Variants in CREM observed in about 807,000 individuals in gnomAD.
CREM encodes the protein cAMP responsive element modulator.
A neutral mutation model predicts 37.3 loss-of-function variants in CREM; 13 were observed. The ratio of observed to expected loss-of-function variants is 0.35; its 90% CI spans 0.23 to 0.55. The LOEUF (loss-of-function observed/expected upper bound fraction) is 0.55, where lower values mean the gene tolerates loss of function less well. CREM is among the 20% of genes least tolerant of loss of function. The pLI, the probability that CREM is intolerant of heterozygous loss-of-function variation, is 0.88. For missense variants in CREM, 296 were observed against 362.3 expected (o/e 0.82, Z 1.49); for synonymous variants, 124 against 120.2 (o/e 1.03, Z -0.21).
intron 3 of CREM, chr10:35,175,870 A>G: frequency 8.9e-6 from 14 of 1,567,392 alleles, no homozygotes; most frequent in Non-Finnish European, 1.1e-5. Flanking sequence ...TGGCTGGATC[A>G]GGCACCAGAA....
chr10:35,162,747 C>G (rs2093358345), intron 3 of CREM, among the ~76,000 whole-genome samples: 4 of 152,108 alleles, frequency 2.6e-5, no homozygotes, highest in Admixed American at 2.6e-4. Flanking sequence ...GAAGCCTGGA[C>G]TTCTCAGAGG....
At chr10:35,193,042 C>A (rs2094985725) in intron 6 of CREM, among the ~76,000 whole-genome samples, 1 of 152,182 alleles carries the variant, frequency 6.6e-6, no homozygotes, top group African/African-American at 2.4e-5. Context: ...AATACGTTCC[C>A]CGAGGAAGCC....
intron 7 of CREM, among the ~76,000 whole-genome samples, chr10:35,208,343 C>T (rs1162771205): frequency 6.6e-6 from 1 of 152,030 alleles, no homozygotes; most frequent in Non-Finnish European, 1.5e-5. Context: ...TATTTTTAAG[C>T]AACATATTAT....
At chr10:35,132,886 TCTC>T (rs1180900396) in intron 1 of CREM, among the ~76,000 whole-genome samples, 3 of 152,228 alleles carry the variant, frequency 2.0e-5, no homozygotes. Flanking sequence ...AGCTTCATAT[TCTC>T]CTTTATCTTT....
intron 3 of CREM, among the ~76,000 whole-genome samples, chr10:35,169,425 G>C (rs1249577706): frequency 6.6e-6 from 1 of 152,170 alleles, no homozygotes; most frequent in African/African-American, 2.4e-5. Context: ...GAATGCTTGT[G>C]ATTTTTGCAC....
chr10:35,172,585 T>A (rs1359285756), intron 3 of CREM, among the ~76,000 whole-genome samples: 6 of 139,290 alleles, frequency 4.3e-5, no homozygotes, highest in Admixed American at 2.9e-4. Flanking sequence ...TTTTTTTTTT[T>A]AAGTCAGTTT....
rs144567038 is a variant in CREM at position 35,172,203 on chromosome 10, C to G, written c.169-6686C>G. 1.8e-4 allele frequency among the ~76,000 whole-genome samples: 27 copies of G among 152,174 alleles called. No individual in the cohort carries two copies. The East Asian group carries it at 5.2e-3, about 29-fold the overall frequency. ...CCAGTCTCTGACACATGGGCTCTGT[C>G]AGGGTTACTGGATATGTTTATTTTG... On this transcript the variant is annotated intron_variant, in intron 3 of 7. Coordinates refer to ENST00000685392, the MANE Select transcript of CREM (RefSeq NM_183011.2).
intron 5 of CREM, among the ~76,000 whole-genome samples, chr10:35,184,668 G>C (rs2094479690): frequency 6.6e-6 from 1 of 152,108 alleles, no homozygotes; most frequent in East Asian, 1.9e-4. Context: ...ATTATATAAT[G>C]ACTTCCCCAG....
intron 5 of CREM, among the ~76,000 whole-genome samples, chr10:35,184,206 A>G (rs2133376593): frequency 6.6e-6 from 1 of 152,354 alleles, no homozygotes; most frequent in South Asian, 2.1e-4. Flanking sequence ...AAGACCAGCT[A>G]GACCAATATC....
At chr10:35,179,032 G>C (rs1266507442) in intron 4 of CREM, 46 bp downstream of exon 4, 1 of 1,554,152 alleles carries the variant, frequency 6.4e-7, no homozygotes, top group Non-Finnish European at 8.8e-7. Context: ...TTTCCAAAAT[G>C]GTAGAATAAT....
chr10:35,137,616 G>GT (rs1045782679), intron 1 of CREM, among the ~76,000 whole-genome samples, 166 bp from the exon 2 acceptor site: 5 of 151,588 alleles, frequency 3.3e-5, no homozygotes, highest in Non-Finnish European at 5.9e-5. Flanking sequence ...TAGTCTTTTG[G>GT]TTTTTTTTGG....
At chr10:35,202,389 A>G (rs951356239) in intron 6 of CREM, among the ~76,000 whole-genome samples, 3 of 152,172 alleles carry the variant, frequency 2.0e-5, no homozygotes, top group East Asian at 3.8e-4. Context: ...AACTTGTGAC[A>G]TTTAGATTTT....
At chr10:35,136,183 T>C (rs772523021) in intron 1 of CREM, among the ~76,000 whole-genome samples, 10 of 148,938 alleles carry the variant, frequency 6.7e-5, no homozygotes, top group Admixed American at 3.4e-4. Context: ...ACCACAAGAA[T>C]GTATTACTTA....
rs775841250 is a variant in CREM at position 35,148,460 on chromosome 10, C to T, written c.137C>T (p.Thr46Ile). The change falls in exon 3 of 8, where the codon ACT becomes ATT. Residue 46 changes from threonine (T) to isoleucine (I), a missense_variant. This residue lies in a region of CREM where 257 missense variants were observed against 280.2 expected (regional missense o/e 0.92). Coordinates refer to ENST00000685392, the MANE Select transcript of CREM (RefSeq NM_183011.2). ...ESKSAHVQTQ[T>I]GQNSIPALAQ... Reference sequence around the variant, plus strand: ...AAGTCTGCTCATGTGCAGACTCAGACTGGCCAAAATTCAATCCCTGCTTTA... The same window carrying T: ...AAGTCTGCTCATGTGCAGACTCAGATTGGCCAAAATTCAATCCCTGCTTTA... 58 of 1,613,232 alleles carry T rather than the reference C, an allele frequency of 3.6e-5. No individual in the cohort carries two copies. Among genetic ancestry groups the T allele is most frequent in the Non-Finnish European group, 4.3e-5 (51 of 1,179,736 alleles).
chr10:35,170,908 T>G (rs2093783182), intron 3 of CREM, among the ~76,000 whole-genome samples: 1 of 152,296 alleles, frequency 6.6e-6, no homozygotes, highest in East Asian at 1.9e-4. Flanking sequence ...TCTCCAGATA[T>G]AAGAGTTTTC....
chr10:35,140,326 G>A (rs867989556), intron 2 of CREM, among the ~76,000 whole-genome samples: 8 of 152,088 alleles, frequency 5.3e-5, no homozygotes, highest in Non-Finnish European at 1.0e-4. Context: ...CATCATCATC[G>A]TAAAATGTTG....
chr10:35,211,630 T>C lies in CREM; in HGVS notation c.*232T>C. On this transcript the variant is annotated 3_prime_UTR_variant, in exon 8 of 8. Coordinates refer to ENST00000685392, the MANE Select transcript of CREM (RefSeq NM_183011.2). ...AATAGCATGCAAAAAATGCTTTGTTTGCCCTTTGCTTCTGCTTTTTTTCAG... is the reference window on the plus strand; with the variant it reads ...AATAGCATGCAAAAAATGCTTTGTTCGCCCTTTGCTTCTGCTTTTTTTCAG... 1 of 1,605,532 alleles carries C rather than the reference T, an allele frequency of 6.2e-7. No homozygotes were observed. The highest frequency in any genetic ancestry group is 1.1e-5 in the South Asian group (1 of 89,632).
intron 1 of CREM, chr10:35,127,478 C>G (rs1286344669): frequency 6.6e-6 from 1 of 152,258 alleles, no homozygotes; most frequent in Admixed American, 6.5e-5. Context: ...TGCCTCCTCG[C>G]GAACTTGGGA....
intron 5 of CREM, 145 bp from the exon 6 acceptor site, chr10:35,188,055 T>A (rs2094728305): frequency 4.0e-6 from 3 of 752,076 alleles, no homozygotes; most frequent in Admixed American, 6.0e-5. Context: ...GAAGCTGATC[T>A]TCCTTCTCAA....
Sources: allele counts gnomAD v4.1 joint callset (sites outside exome capture counted in the v4.1 genomes callset), GRCh38; gene constraint gnomAD v4.1.1; regional missense constraint gnomAD v4.1.1; transcripts MANE v1.5; gene names NCBI Gene and HGNC (gene_info 2026-07-23, HGNC 2026-07-21).